Variants in NOVA1 observed in about 807,000 individuals in gnomAD.
NOVA1 encodes RNA-binding protein Nova-1.
In NOVA1, 7 loss-of-function variants were observed where a neutral mutation model predicts 38.0. The observed-to-expected ratio is 0.18, with a 90% confidence interval of 0.10 to 0.35. The LOEUF is 0.35. Ranked by LOEUF, NOVA1 falls within the 10% of genes least tolerant of loss-of-function variation. The probability of loss-of-function intolerance (pLI) is 1.00; values close to 1 mark genes in which losing one functional copy is unlikely to be tolerated. For missense variants in NOVA1, 460 were observed against 616.0 expected (o/e 0.75, Z 2.68); for synonymous variants, 270 against 232.5 (o/e 1.16, Z -1.47).
At chr14:26,521,949 G>A (rs546531551) in intron 2 of NOVA1, among the ~76,000 whole-genome samples, 6 of 151,772 alleles carry the variant, frequency 4.0e-5, no homozygotes, top group Non-Finnish European at 8.8e-5. Context: ...TCCTTAATTA[G>A]AGTTCAAAGT....
chr14:26,582,504 A>T (rs1232267768), intron 2 of NOVA1, among the ~76,000 whole-genome samples: 1 of 151,844 alleles, frequency 6.6e-6, no homozygotes, highest in African/African-American at 2.4e-5. Flanking sequence ...AGAACCTCAA[A>T]GCTTTTCCTA....
chr14:26,452,822 T>A (rs1208614789), intron 4 of NOVA1, among the ~76,000 whole-genome samples: 2 of 152,238 alleles, frequency 1.3e-5, no homozygotes, highest in Non-Finnish European at 2.9e-5. Flanking sequence ...GCTTACTGAA[T>A]GGCCCAAGCC....
chr14:26,589,044 G>C (rs995589611), intron 2 of NOVA1, among the ~76,000 whole-genome samples: 6 of 151,292 alleles, frequency 4.0e-5, no homozygotes, highest in African/African-American at 1.5e-4. Context: ...CTACTCTTTG[G>C]TAAATAATAA....
Position 26,443,603 on chromosome 14 carries a change from A to G in NOVA1, c.*4356T>C, listed in dbSNP as rs2138527215. ...CATATCTGATGAAACAAAAAATAAC[A>G]TGCAGATTTCCAAATATAATCTGTT... On this transcript the variant is annotated 3_prime_UTR_variant, in exon 5 of 5. Transcript: ENST00000539517. 1 of 152,462 alleles carries G rather than the reference A, an allele frequency of 6.6e-6. No homozygotes were observed. The highest frequency in any genetic ancestry group is 1.9e-4 in the East Asian group (1 of 5,160). 9.4% of individuals were successfully genotyped at this position (152,462 alleles called of 1,614,324 possible). A position where few individuals can be genotyped will look rare whatever the true frequency, so the allele number is the denominator to read the frequency against.
In NOVA1 at chr14:26,454,350, T is replaced by C. The variant is rs531035210; in HGVS notation, c.520-5387A>G. ...TTGGGTTTGAGCACATGACGCAGGA[T>C]GGCCAAACAAGAGCATGAGAAGTTG... is the stretch of plus-strand genomic sequence containing the variant. On this transcript the variant is annotated intron_variant, in intron 4 of 4. Coordinates refer to ENST00000539517, the MANE Select transcript of NOVA1 (RefSeq NM_002515.3). Among the ~76,000 whole-genome samples, 312 of 152,234 alleles carry C rather than the reference T, an allele frequency of 2.0e-3. 2 individuals carry two copies. Among genetic ancestry groups the C allele is most frequent in the African/African-American group, 7.2e-3 (299 of 41,532 alleles).
At chr14:26,573,670 G>T (rs1892629689) in intron 2 of NOVA1, among the ~76,000 whole-genome samples, 1 of 151,940 alleles carries the variant, frequency 6.6e-6, no homozygotes, top group African/African-American at 2.4e-5. Flanking sequence ...GAAGTTGAGG[G>T]AGGTCCTTAA....
intron 2 of NOVA1, among the ~76,000 whole-genome samples, chr14:26,520,695 G>A (rs1409032901): frequency 1.3e-5 from 2 of 152,046 alleles, no homozygotes; most frequent in African/African-American, 4.8e-5. Context: ...TAATTTTGGG[G>A]TTTTAAATAA....
At chr14:26,511,269 TA>T (rs71121886) in intron 2 of NOVA1, among the ~76,000 whole-genome samples, 3 of 151,752 alleles carry the variant, frequency 2.0e-5, no homozygotes, top group African/African-American at 7.3e-5. Context: ...TTTTTTATAC[TA>T]AAAAAAATTA....
chr14:26,590,916 T>C (rs1244830040), intron 2 of NOVA1, among the ~76,000 whole-genome samples: 1 of 151,760 alleles, frequency 6.6e-6, no homozygotes, highest in South Asian at 2.1e-4. Context: ...AAATTAATGA[T>C]GTCTTATAAC....
chr14:26,521,914 A>C (rs1006544964), intron 2 of NOVA1, among the ~76,000 whole-genome samples: 1 of 152,076 alleles, frequency 6.6e-6, no homozygotes, highest in African/African-American at 2.4e-5. Flanking sequence ...AGATCTACTA[A>C]GGAGAAAGAT....
intron 2 of NOVA1, among the ~76,000 whole-genome samples, chr14:26,520,734 A>AG (rs1482277733): frequency 2.0e-5 from 3 of 152,162 alleles, no homozygotes; most frequent in Non-Finnish European, 2.9e-5. Context: ...ATTTGCAATT[A>AG]TGGAATCCAA....
At chr14:26,532,578 G>C (rs73601932) in intron 2 of NOVA1, among the ~76,000 whole-genome samples, 7,332 of 152,184 alleles carry the variant, frequency 0.048, 544 homozygotes, top group African/African-American at 0.16. Context: ...TCTGGCAAGG[G>C]GCACAATGAA....
chr14:26,483,653 T>C (rs1053872048), intron 2 of NOVA1, among the ~76,000 whole-genome samples: 1 of 152,216 alleles, frequency 6.6e-6, no homozygotes, highest in Admixed American at 6.5e-5. Context: ...AATTATGATG[T>C]ACCTAAAAGT....
chr14:26,496,868 C>G (rs1388451340), intron 2 of NOVA1, among the ~76,000 whole-genome samples: 1 of 152,044 alleles, frequency 6.6e-6, no homozygotes, highest in Non-Finnish European at 1.5e-5. Context: ...TGTTTTGGTA[C>G]CAGTACCATG....
At chr14:26,487,022 T>C (rs1002193370) in intron 2 of NOVA1, among the ~76,000 whole-genome samples, 3 of 152,142 alleles carry the variant, frequency 2.0e-5, no homozygotes, top group African/African-American at 7.2e-5. Flanking sequence ...CATATTGTCT[T>C]TATAAATAGA....
At chr14:26,476,587 C>T (rs1885002222) in intron 3 of NOVA1, among the ~76,000 whole-genome samples, 2 of 152,142 alleles carry the variant, frequency 1.3e-5, no homozygotes, top group African/African-American at 4.8e-5. Flanking sequence ...AAGTGTTTTT[C>T]TTTCTTCTAC....
At chr14:26,579,650 C>A (rs942409069) in intron 2 of NOVA1, among the ~76,000 whole-genome samples, 8 of 151,836 alleles carry the variant, frequency 5.3e-5, no homozygotes, top group Non-Finnish European at 1.0e-4. Context: ...AGACAAAATA[C>A]AAACAAATCA....
intron 3 of NOVA1, among the ~76,000 whole-genome samples, chr14:26,478,203 T>C (rs895948349): frequency 6.6e-6 from 1 of 151,954 alleles, no homozygotes; most frequent in Non-Finnish European, 1.5e-5. Context: ...GCACTGGATA[T>C]ATGATAGCCT....
intron 2 of NOVA1, among the ~76,000 whole-genome samples, chr14:26,520,383 G>T (rs1188485408): frequency 1.3e-5 from 2 of 152,116 alleles, no homozygotes; most frequent in African/African-American, 4.8e-5. Flanking sequence ...ACCAATCCCT[G>T]ATGTATACTG....
Sources: allele counts gnomAD v4.1 joint callset (sites outside exome capture counted in the v4.1 genomes callset), GRCh38; gene constraint gnomAD v4.1.1; transcripts MANE v1.5; gene names NCBI Gene and HGNC (gene_info 2026-07-23, HGNC 2026-07-21).